DYNC1H1: variants seen among roughly 807,000 people sequenced by gnomAD.
DYNC1H1 encodes cytoplasmic dynein 1 heavy chain 1.
A neutral mutation model predicts 527.1 loss-of-function variants in DYNC1H1; 51 were observed. The observed-to-expected ratio is 0.10, with a 90% CI of 0.08 to 0.12. The LOEUF is 0.12. Among genes scored for constraint, DYNC1H1 ranks in the 10% least tolerant of loss-of-function variants. The probability of loss-of-function intolerance (pLI) is 1.00; values close to 1 mark genes in which losing one functional copy is unlikely to be tolerated. For missense variants in DYNC1H1, 2,771 were observed against 5,971.8 expected, an observed-to-expected ratio of 0.46 and a Z score of 17.66; for synonymous variants, 2,189 against 2,278.8, an observed-to-expected ratio of 0.96 and a Z score of 1.12.
chr14:102,024,380 A>T (rs2048424571), intron 43 of DYNC1H1, among the ~76,000 whole-genome samples: 2 of 152,126 alleles, frequency 1.3e-5, no homozygotes, highest in Non-Finnish European at 2.9e-5. Flanking sequence ...GGCAGCTCCC[A>T]CTCCAGTGGA....
chr14:102,052,339 C>T lies in DYNC1H1; in HGVS notation c.*1776C>T, dbSNP rs1451347711. ...GTAGAGACAAGGTTTCACCATGTTG[C>T]TCGGGCTGGTCTCGAACTCCTGAGC... On this transcript the variant is annotated 3_prime_UTR_variant, in exon 78 of 78. Transcript: ENST00000360184. The T allele has an allele frequency of 2.6e-5, 4 of 152,346 alleles. No homozygotes were observed. Among genetic ancestry groups the T allele is most frequent in the Non-Finnish European group, 5.9e-5 (4 of 68,176 alleles). 9.4% of individuals were successfully genotyped at this position (152,346 alleles called of 1,614,324 possible).
chr14:102,042,462 G>T lies in DYNC1H1; in HGVS notation c.12354G>T (p.Pro4118=), dbSNP rs143574214. 6.9e-5 allele frequency: 111 copies of T among 1,614,088 alleles called. No individual in the cohort carries two copies. The East Asian group carries it at 2.4e-3, about 35-fold the overall frequency. The part of the protein sequence containing the change: ...QLEKKLHSLQ[P]HACFRLFLTM... ...AGAAGAAGTTGCATTCCCTGCAGCC[G>T]CATGCCTGCTTCCGACTCTTCCTCA... The change falls in exon 68 of 78, where the codon CCG becomes CCT. Residue 4118 remains proline, a synonymous_variant. Coordinates refer to ENST00000360184, the MANE Select transcript of DYNC1H1 (RefSeq NM_001376.5). The surrounding 1 kb of genome is among the most constrained non-coding windows in gnomAD (Gnocchi z 5.7).
chr14:102,022,194 G>A (rs190052242), intron 42 of DYNC1H1, among the ~76,000 whole-genome samples: 540 of 152,064 alleles, frequency 3.6e-3, no homozygotes, highest in Non-Finnish European at 4.3e-3. Context: ...CTGTAAGTAA[G>A]TAAGTAAGAG....
rs2152579378 is a variant in DYNC1H1, at chr14:102,012,348, C to T, written c.6892C>T (p.Arg2298Cys). ...IDSVRGELQK[R>C]QWIVFDGDVD... ...CAGCGTGAGAGGCGAGCTGCAGAAG[C>T]GCCAGTGGATCGTCTTCGATGGCGA... The change falls in exon 34 of 78, where the codon CGC becomes TGC. Residue 2298 changes from arginine (R) to cysteine (C), a missense_variant. Physicochemically the swap from Arg to Cys is radical, Grantham distance 180 (BLOSUM62 -3). This residue lies in a region of DYNC1H1 where 56 missense variants were observed against 183.8 expected (regional missense o/e 0.30). Coordinates refer to ENST00000360184, the MANE Select transcript of DYNC1H1 (RefSeq NM_001376.5). This position sits in a 1 kb window ranked among gnomAD's most constrained non-coding sequence, Gnocchi z 4.9. The T allele has an allele frequency of 1.2e-6, 2 of 1,614,198 alleles. No individual in the cohort carries two copies. Among genetic ancestry groups the T allele is most frequent in the Non-Finnish European group, 1.7e-6 (2 of 1,180,042 alleles).
At chr14:101,994,617 A>G (rs563702800) in intron 12 of DYNC1H1, 56 bp from the exon 13 acceptor site, 1 of 1,599,180 alleles carries the variant, frequency 6.3e-7, no homozygotes. Context: ...AAGAGGTGCC[A>G]GTATTCTACA....
At chr14:102,022,611 CA>C in intron 42 of DYNC1H1, 139 bp from the exon 43 acceptor site, 1 of 1,158,718 alleles carries the variant, frequency 8.6e-7, no homozygotes, top group East Asian at 2.4e-5. Flanking sequence ...TAGGTTCATC[CA>C]TGCATAGTAA....
rs377389243 is a variant in DYNC1H1 at position 102,049,685 on chromosome 14, C to A, written c.13516-29C>A. 24 of 1,613,774 alleles carry A rather than the reference C, an allele frequency of 1.5e-5. No individual in the cohort carries two copies. The highest frequency in any genetic ancestry group is 3.3e-5 in the Admixed American group (2 of 60,008). On this transcript the variant is annotated intron_variant, in intron 75 of 77. Transcript: ENST00000360184. The surrounding 1 kb of genome is among the most constrained non-coding windows in gnomAD (Gnocchi z 5.5). ...CAGGGCCCAGGTCTGACCTGAGCTC[C>A]TTCCCCTGGGGGCTGCTGCTTTCCA...
rs1450632403 is a variant in DYNC1H1 at position 102,011,042 on chromosome 14, C to T, written c.6618+90C>T. 7.2e-7 allele frequency: 1 copy of T among 1,386,610 alleles called. No homozygotes were observed. The highest frequency in any genetic ancestry group is 1.0e-6 in the Non-Finnish European group (1 of 975,752). The allele number at this position is 1,386,610 out of a possible 1,614,324, so 85.9% of individuals were successfully genotyped here. ...GACAACCGTGGGCCCTTCGATGAAA[C>T]TGTCCACAAAGGCTGTGGAGGTGCA... On this transcript the variant is annotated intron_variant, in intron 32 of 77. Coordinates refer to ENST00000360184, the MANE Select transcript of DYNC1H1 (RefSeq NM_001376.5). The surrounding 1 kb of genome is among the most constrained non-coding windows in gnomAD (Gnocchi z 5.3).
Position 102,036,430 on chromosome 14 carries a change from T to C in DYNC1H1, c.10755-59T>C. The C allele has an allele frequency of 6.2e-7, 1 of 1,608,496 alleles. No individual in the cohort carries two copies. Among genetic ancestry groups the C allele is most frequent in the Non-Finnish European group, 8.5e-7 (1 of 1,177,038 alleles). On this transcript the variant is annotated intron_variant, in intron 56 of 77. Transcript: ENST00000360184. The surrounding 1 kb of genome is among the most constrained non-coding windows in gnomAD (Gnocchi z 5.6). ...CTCTCATCAGGGACTCGGCTAACCGTGATCCTGTGCTTTCCCCATTCGGTG... is the reference window on the plus strand; with the variant it reads ...CTCTCATCAGGGACTCGGCTAACCGCGATCCTGTGCTTTCCCCATTCGGTG...
rs905014230 is a variant in DYNC1H1 at position 102,020,518 on chromosome 14, C to A, written c.8507+462C>A. Among the ~76,000 whole-genome samples, 1 of 152,132 alleles carries A rather than the reference C, an allele frequency of 6.6e-6. No individual in the cohort carries two copies. Among genetic ancestry groups the A allele is most frequent in the Non-Finnish European group, 1.5e-5 (1 of 68,032 alleles). ...AGTGTGCGTGTTCCGTAACCACCACCCCTCTTCCTGTTTCTCAGTCTGTGT... is the reference window on the plus strand; with the variant it reads ...AGTGTGCGTGTTCCGTAACCACCACACCTCTTCCTGTTTCTCAGTCTGTGT... On this transcript the variant is annotated intron_variant, in intron 42 of 77. Transcript: ENST00000360184. The surrounding 1 kb of genome is among the most constrained non-coding windows in gnomAD (Gnocchi z 4.3).
Position 101,994,264 on chromosome 14 carries a change from C to T in DYNC1H1, c.3096C>T (p.Ala1032=). ...ALTRMPDGPV[A]LEESYSAVMG... ...CACGGATGCCTGATGGCCCTGTTGCCCTGGAAGAGTCGTATTCTGCTGTCA... is the reference window on the plus strand; with the variant it reads ...CACGGATGCCTGATGGCCCTGTTGCTCTGGAAGAGTCGTATTCTGCTGTCA... Residue 1032 remains alanine, a synonymous_variant, in exon 12 of 78, where the codon GCC becomes GCT. Transcript: ENST00000360184. 6.2e-7 allele frequency: 1 copy of T among 1,614,070 alleles called. No individual in the cohort carries two copies. Among genetic ancestry groups the T allele is most frequent in the Non-Finnish European group, 8.5e-7 (1 of 1,180,016 alleles).
intron 1 of DYNC1H1, among the ~76,000 whole-genome samples, chr14:101,968,648 A>G (rs2047694875): frequency 2.6e-5 from 4 of 151,344 alleles, no homozygotes; most frequent in Admixed American, 2.6e-4. Context: ...CCGCATCCTC[A>G]ACCTCCGGTC....
At position 102,005,219 on chromosome 14, in the gene DYNC1H1, C is replaced by T; in HGVS notation, c.5416C>T (p.Arg1806Trp). Residue 1806 changes from arginine to tryptophan, a missense_variant, in exon 26 of 78, where the codon CGG becomes TGG. Arg to Trp is a moderately radical substitution (Grantham distance 101). Transcript: ENST00000360184. This position sits in a 1 kb window ranked among gnomAD's most constrained non-coding sequence, Gnocchi z 4.0. ...CATGGAGCAGCCCCCACTCCGAAGG[C>T]GGAAGCTAGAACACTTGGTTAGTCT... is the stretch of plus-strand genomic sequence containing the variant. ...VLMEQPPLRRRKLEHLITELV... is the reference protein window; with the variant it reads ...VLMEQPPLRRWKLEHLITELV... 1.2e-6 allele frequency: 2 copies of T among 1,614,184 alleles called. No individual in the cohort carries two copies. Among genetic ancestry groups the T allele is most frequent in the Non-Finnish European group, 1.7e-6 (2 of 1,180,046 alleles).
In DYNC1H1 at chr14:102,016,473, C is replaced by A; in HGVS notation, c.7598C>A (p.Pro2533His). The A allele has an allele frequency of 6.2e-7, 1 of 1,614,120 alleles. No individual in the cohort carries two copies. The highest frequency in any genetic ancestry group is 8.5e-7 in the Non-Finnish European group (1 of 1,180,020). Residue 2533 changes from proline to histidine, a missense_variant, in exon 37 of 78, where the codon CCC (proline) becomes CAC (histidine). Physicochemically the swap from Pro to His is moderately conservative, Grantham distance 77. This residue lies in a region of DYNC1H1 where 71 missense variants were observed against 143.6 expected (regional missense o/e 0.49). Coordinates refer to ENST00000360184, the MANE Select transcript of DYNC1H1 (RefSeq NM_001376.5). The surrounding 1 kb of genome is among the most constrained non-coding windows in gnomAD (Gnocchi z 7.3). ...TVPLPTAPNIPIIDYEVSISG... is the reference protein window; with the variant it reads ...TVPLPTAPNIHIIDYEVSISG... ...CCTCTGCCCACTGCGCCCAACATAC[C>A]CATTATCGATTATGAGGTGAGCATG... is the stretch of plus-strand genomic sequence containing the variant.
At position 102,042,904 on chromosome 14, in the gene DYNC1H1, T is replaced by C; in HGVS notation, c.12513+156T>C. On this transcript the variant is annotated intron_variant, in intron 69 of 77. Coordinates refer to ENST00000360184, the MANE Select transcript of DYNC1H1 (RefSeq NM_001376.5). This position sits in a 1 kb window ranked among gnomAD's most constrained non-coding sequence, Gnocchi z 5.7. ...CAGCTGTAGGTAAAATTTCCTTCCA[T>C]GGCCGGGCACCGTGGCTCACACTGG... 2.3e-6 allele frequency: 2 copies of C among 855,986 alleles called. No individual in the cohort carries two copies. The highest frequency in any genetic ancestry group is 1.5e-5 in the South Asian group (1 of 68,936). The allele number at this position is 855,986 out of a possible 1,614,324, so 53.0% of individuals were successfully genotyped here. A position where few individuals can be genotyped will look rare whatever the true frequency, so the allele number is the denominator to read the frequency against.
Position 102,039,050 on chromosome 14 carries a change from T to C in DYNC1H1, c.11256T>C (p.Ala3752=). ...LRQLEKSLLQ[A]LNEVKGRILD... ...AGCTGGAAAAATCTCTACTACAAGC[T>C]CTGAACGAGGTGAAAGGGCGCATTT... Residue 3752 remains alanine, a synonymous_variant, in exon 60 of 78, where the codon GCT becomes GCC. Transcript: ENST00000360184. This position sits in a 1 kb window ranked among gnomAD's most constrained non-coding sequence, Gnocchi z 7.0. 1 of 1,614,100 alleles carries C rather than the reference T, an allele frequency of 6.2e-7. No individual in the cohort carries two copies. Among genetic ancestry groups the C allele is most frequent in the Non-Finnish European group, 8.5e-7 (1 of 1,180,024 alleles).
chr14:102,049,335 C>T lies in DYNC1H1; in HGVS notation c.13373-105C>T, dbSNP rs546761268. 68 of 1,555,664 alleles carry T rather than the reference C, an allele frequency of 4.4e-5. No homozygotes were observed. Among genetic ancestry groups the T allele is most frequent in the Non-Finnish European group, 5.6e-5 (64 of 1,144,286 alleles). On this transcript the variant is annotated intron_variant, in intron 74 of 77. Transcript: ENST00000360184. The surrounding 1 kb of genome is among the most constrained non-coding windows in gnomAD (Gnocchi z 5.5). ...AAAGGCAGTAGGTGGAGCCGCCAGC[C>T]GCCTGTGTGGGCAGCCAGGATGCCT...
rs974589910 is a variant in DYNC1H1 at position 102,029,320 on chromosome 14, C to T, written c.9469-219C>T. The T allele has an allele frequency of 1.2e-5, 7 of 594,488 alleles. No homozygotes were observed. Among genetic ancestry groups the T allele is most frequent in the African/African-American group, 1.9e-5 (1 of 53,722 alleles). The allele number at this position is 594,488 out of a possible 1,614,324, so 36.8% of individuals were successfully genotyped here. The stretch of plus-strand genomic sequence containing the variant: ...CTCTAAAGTTGGTGTAATCACCATC[C>T]TCAGTTTAGAGAAGTTAAAGGGCTT... On this transcript the variant is annotated intron_variant, in intron 48 of 77. Transcript: ENST00000360184. This position sits in a 1 kb window ranked among gnomAD's most constrained non-coding sequence, Gnocchi z 5.3.
Position 101,985,016 on chromosome 14 carries a change from G to A in DYNC1H1, c.1462-671G>A, listed in dbSNP as rs895312025. Reference sequence around the variant, plus strand: ...GCTGGTCTCGAGCTCCTGACCGCAAGTGATCCACCCGCCCCGGCCTCCCGA... The same window carrying A: ...GCTGGTCTCGAGCTCCTGACCGCAAATGATCCACCCGCCCCGGCCTCCCGA... On this transcript the variant is annotated intron_variant, in intron 7 of 77. Coordinates refer to ENST00000360184, the MANE Select transcript of DYNC1H1 (RefSeq NM_001376.5). This position sits in a 1 kb window ranked among gnomAD's most constrained non-coding sequence, Gnocchi z 5.9. 6.6e-6 allele frequency among the ~76,000 whole-genome samples: 1 copy of A among 150,414 alleles called. No homozygotes were observed. Among genetic ancestry groups the A allele is most frequent in the Non-Finnish European group, 1.5e-5 (1 of 67,782 alleles).
Sources: allele counts gnomAD v4.1 joint callset (sites outside exome capture counted in the v4.1 genomes callset), GRCh38; gene constraint gnomAD v4.1.1; regional missense constraint gnomAD v4.1.1; non-coding constraint Gnocchi (gnomAD v3.1); transcripts MANE v1.5; gene names NCBI Gene and HGNC (gene_info 2026-07-23, HGNC 2026-07-21).